MATN3: variants seen among roughly 807,000 people sequenced by gnomAD.
The protein encoded by MATN3 is matrilin-3.
A neutral mutation model predicts 45.3 loss-of-function variants in MATN3; 48 were observed. The ratio of observed to expected loss-of-function variants is 1.06; its 90% CI spans 0.84 to 1.35. MATN3 has a LOEUF of 1.35. Among genes scored for constraint, MATN3 ranks in the 40% most tolerant of loss-of-function variants. The probability of loss-of-function intolerance (pLI) is 0.00; values close to 1 mark genes in which losing one functional copy is unlikely to be tolerated. For missense variants in MATN3, 599 were observed against 628.0 expected, an observed-to-expected ratio of 0.95 and a Z score of 0.49; for synonymous variants, 217 against 245.9, an observed-to-expected ratio of 0.88 and a Z score of 1.10.
intron 1 of MATN3, among the ~76,000 whole-genome samples, chr2:20,011,541 G>A (rs1673220131): frequency 6.6e-6 from 1 of 152,236 alleles, no homozygotes; most frequent in African/African-American, 2.4e-5. Flanking sequence ...AGCGTGGCTG[G>A]CCAAATGAGA....
At chr2:19,997,442 C>G in intron 5 of MATN3, 183 bp from the exon 6 acceptor site, 2 of 550,760 alleles carry the variant, frequency 3.6e-6, no homozygotes, top group Non-Finnish European at 6.4e-6. Context: ...CCTCTCATCC[C>G]TTTGGCCTCA....
intron 2 of MATN3, among the ~76,000 whole-genome samples, chr2:20,003,628 C>CCCA (rs1460635811): frequency 2.6e-5 from 4 of 152,148 alleles, no homozygotes; most frequent in Non-Finnish European, 5.9e-5. Context: ...TTTGTGCTTC[C>CCCA]CCACCACAAG....
intron 1 of MATN3, among the ~76,000 whole-genome samples, 199 bp from the exon 2 acceptor site, chr2:20,006,509 G>C (rs1673110447): frequency 6.6e-6 from 1 of 152,174 alleles, no homozygotes; most frequent in Non-Finnish European, 1.5e-5. Context: ...AATTCACCTG[G>C]AGGTGTGAAG....
At chr2:20,010,064 T>TCCAAAAAAAAAAAAA (rs1247085339) in intron 1 of MATN3, among the ~76,000 whole-genome samples, 12 of 10,786 alleles carry the variant, frequency 1.1e-3, no homozygotes, top group African/African-American at 1.7e-3. Context: ...TCTCTTCAAA[T>TCCAAAAAAAAAAAAA]ACTAAAAAAA....
intron 5 of MATN3, chr2:19,999,420 T>G (rs1672941727): frequency 6.6e-6 from 1 of 152,556 alleles, no homozygotes; most frequent in Non-Finnish European, 1.5e-5. Context: ...CCTTCGCAGA[T>G]GCCCACCTCC....
Position 20,002,010 on chromosome 2 carries a change from A to C in MATN3, c.987T>G (p.Tyr329Ter). 1 of 1,613,586 alleles carries C rather than the reference A, an allele frequency of 6.2e-7. No homozygotes were observed. Among genetic ancestry groups the C allele is most frequent in the Non-Finnish European group, 8.5e-7 (1 of 1,179,540 alleles). Residue 329 changes from tyrosine (Y) to a stop codon, truncating the protein, a stop_gained, in exon 4 of 8, where the codon TAT becomes TAG. Transcript: ENST00000407540. LOFTEE classifies it high-confidence loss of function. ...TATAACCTTCATAGCACTCACAATG[A>C]TAAGAGCCACTTCTGTCATTCACAC... The part of the protein sequence containing the change: ...HICVNDRSGS[Y>*]HCECYEGYTL...
chr2:20,006,128 G>A lies in MATN3; in HGVS notation c.406C>T (p.Gln136Ter). Residue 136 changes from glutamine (Q) to a stop codon, truncating the protein, a stop_gained, in exon 2 of 8, where the codon CAA becomes TAA. Transcript: ENST00000407540. LOFTEE classifies it high-confidence loss of function. ...NYASTVKIEF[Q>*]LQAYTDKQSL... ...TGCTTATCTGTGTAGGCCTGGAGTT[G>A]GAACTCGATCTTCACAGTGCTAGCA... 1 of 1,613,784 alleles carries A rather than the reference G, an allele frequency of 6.2e-7. No individual in the cohort carries two copies. Among genetic ancestry groups the A allele is most frequent in the Non-Finnish European group, 8.5e-7 (1 of 1,179,810 alleles).
chr2:20,000,622 C>A, intron 4 of MATN3, 56 bp from the exon 5 acceptor site: 1 of 1,536,540 alleles, frequency 6.5e-7, no homozygotes, highest in Non-Finnish European at 8.8e-7. Context: ...TATTTTATTA[C>A]CCAGGATAGA....
chr2:20,001,327 A>G (rs1672980143), intron 4 of MATN3, among the ~76,000 whole-genome samples: 1 of 152,146 alleles, frequency 6.6e-6, no homozygotes, highest in Non-Finnish European at 1.5e-5. Context: ...TCCACATTGC[A>G]TTCAGTTTCA....
intron 4 of MATN3, among the ~76,000 whole-genome samples, chr2:20,000,774 A>G (rs10174684): frequency 7.7e-4 from 117 of 152,260 alleles, no homozygotes; most frequent in African/African-American, 2.7e-3. Context: ...ACCTTCCACA[A>G]TTGCTTTTGG....
At chr2:20,006,919 G>C (rs1481005359) in intron 1 of MATN3, among the ~76,000 whole-genome samples, 4 of 152,176 alleles carry the variant, frequency 2.6e-5, no homozygotes, top group African/African-American at 9.7e-5. Context: ...CTGGAGCCCT[G>C]AACTAATTTA....
chr2:20,012,401 G>A lies in MATN3; in HGVS notation c.223+8C>T. The A allele has an allele frequency of 1.6e-6, 2 of 1,228,852 alleles. No homozygotes were observed. The highest frequency in any genetic ancestry group is 2.0e-6 in the Non-Finnish European group (2 of 986,168). The allele number at this position is 1,228,852 out of a possible 1,614,324, so 76.1% of individuals were successfully genotyped here. A position where few individuals can be genotyped will look rare whatever the true frequency, so the allele number is the denominator to read the frequency against. Reference sequence around the variant, plus strand: ...TGCTCACGCGTCCCTCCCGCCGCCCGCCTGTACCTGCACCGCGGGCGCGGC... The same window carrying A: ...TGCTCACGCGTCCCTCCCGCCGCCCACCTGTACCTGCACCGCGGGCGCGGC... On this transcript the variant is annotated splice_region_variant and intron_variant, in intron 1 of 7. Coordinates refer to ENST00000407540, the MANE Select transcript of MATN3 (RefSeq NM_002381.5). The surrounding 1 kb of genome is among the most constrained non-coding windows in gnomAD (Gnocchi z 4.3).
Position 20,000,340 on chromosome 2 carries a change from C to G in MATN3, c.1168+101G>C, listed in dbSNP as rs1572382578. On this transcript the variant is annotated intron_variant, in intron 5 of 7. Transcript: ENST00000407540. ...TAAAAGTGTGATAGAATGTCTGAAC[C>G]TTGATCTTAAGTTACCTTTAAAAAC... 8 of 1,074,484 alleles carry G rather than the reference C, an allele frequency of 7.4e-6. No individual in the cohort carries two copies. The East Asian group carries it at 2.1e-4, about 28-fold the overall frequency. 66.6% of individuals were successfully genotyped at this position (1,074,484 alleles called of 1,614,324 possible). A position where few individuals can be genotyped will look rare whatever the true frequency, so the allele number is the denominator to read the frequency against.
At chr2:20,010,272 T>C (rs539418563) in intron 1 of MATN3, among the ~76,000 whole-genome samples, 4 of 152,238 alleles carry the variant, frequency 2.6e-5, no homozygotes, top group African/African-American at 9.6e-5. Context: ...AGCACCCAAA[T>C]GGTGTCCTTA....
chr2:20,006,636 T>C (rs1673112577), intron 1 of MATN3, among the ~76,000 whole-genome samples: 1 of 152,186 alleles, frequency 6.6e-6, no homozygotes, highest in Non-Finnish European at 1.5e-5. Context: ...AATTAATAGA[T>C]TCTACACATT....
Position 20,012,627 on chromosome 2 carries a change from G to T in MATN3, c.5C>A (p.Pro2Gln). The T allele has an allele frequency of 8.3e-7, 1 of 1,210,682 alleles. No individual in the cohort carries two copies. The highest frequency in any genetic ancestry group is 1.0e-6 in the Non-Finnish European group (1 of 973,108). The allele number at this position is 1,210,682 out of a possible 1,614,324, so 75.0% of individuals were successfully genotyped here. The change falls in exon 1 of 8, where the codon CCG becomes CAG. Residue 2 changes from proline (P) to glutamine (Q), a missense_variant. Pro to Gln is a moderately conservative substitution (Grantham distance 76). Coordinates refer to ENST00000407540, the MANE Select transcript of MATN3 (RefSeq NM_002381.5). The surrounding 1 kb of genome is among the most constrained non-coding windows in gnomAD (Gnocchi z 4.3). ...GAGGCGGCGCGCGGGGGCCGGGCGC[G>T]GCATGGTGGGCTCCGTGGGCCTGGT... MPRPAPARRLPG... is the reference protein window; with the variant it reads MQRPAPARRLPG...
chr2:20,003,395 T>C (rs1572384463), intron 2 of MATN3, 109 bp from the exon 3 acceptor site: 2 of 1,041,522 alleles, frequency 1.9e-6, no homozygotes, highest in South Asian at 2.3e-5. Flanking sequence ...GAGTCCATCT[T>C]TACTTCACTA....
At chr2:20,003,097 C>T (rs1275774914) in intron 3 of MATN3, 64 bp downstream of exon 3, 1 of 1,594,972 alleles carries the variant, frequency 6.3e-7, no homozygotes, top group African/African-American at 1.3e-5. Context: ...CAAGGCCAGT[C>T]CAAAACCTGG....
chr2:20,009,948 A>G (rs1004785505), intron 1 of MATN3, among the ~76,000 whole-genome samples: 1 of 151,828 alleles, frequency 6.6e-6, no homozygotes, highest in African/African-American at 2.4e-5. Flanking sequence ...ACCTCCTTAA[A>G]TTGTATAAAA....
Sources: allele counts gnomAD v4.1 joint callset (sites outside exome capture counted in the v4.1 genomes callset), GRCh38; gene constraint gnomAD v4.1.1; non-coding constraint Gnocchi (gnomAD v3.1); transcripts MANE v1.5; gene names NCBI Gene and HGNC (gene_info 2026-07-23, HGNC 2026-07-21).